Variants in MIPOL1 observed in about 807,000 individuals in gnomAD.
MIPOL1 encodes mirror-image polydactyly gene 1 protein.
In MIPOL1, 57 loss-of-function variants were observed where a neutral mutation model predicts 60.9. The ratio of observed to expected loss-of-function variants is 0.94; its 90% CI spans 0.76 to 1.17. The LOEUF is 1.17. MIPOL1 is among the 50% of genes most tolerant of loss of function. The pLI, the probability that MIPOL1 is intolerant of heterozygous loss-of-function variation, is 0.00. For missense variants in MIPOL1, 551 were observed against 511.6 expected, an observed-to-expected ratio of 1.08 and a Z score of -0.74; for synonymous variants, 179 against 168.8, an observed-to-expected ratio of 1.06 and a Z score of -0.47.
In MIPOL1 at chr14:37,423,357, C is replaced by CAAT. The variant is rs536622144; in HGVS notation, c.1031+414_1031+416dup. On this transcript the variant is annotated intron_variant, in intron 11 of 12. Coordinates refer to ENST00000684589, the MANE Select transcript of MIPOL1 (RefSeq NM_001388067.1). The stretch of plus-strand genomic sequence containing the variant: ...TATATTTTAAAACACACATGAGCAG[C>CAAT]AATAATAACCTTTCATGTATTTTAA... 4.7e-3 allele frequency among the ~76,000 whole-genome samples: 707 copies of CAAT among 150,536 alleles called. 4 individuals carry two copies. Among genetic ancestry groups the CAAT allele is most frequent in the African/African-American group, 0.015 (627 of 41,226 alleles).
At chr14:37,361,318 T>C (rs1337225741) in intron 9 of MIPOL1, among the ~76,000 whole-genome samples, 1 of 152,234 alleles carries the variant, frequency 6.6e-6, no homozygotes, top group Admixed American at 6.5e-5. Context: ...AAGAGTTCTG[T>C]AGATGTCTAT....
intron 11 of MIPOL1, among the ~76,000 whole-genome samples, chr14:37,453,132 A>AT (rs1266767030): frequency 3.3e-5 from 5 of 152,228 alleles, no homozygotes; most frequent in Admixed American, 6.5e-5. Context: ...TAAAAGTATG[A>AT]TTTTTTTAAC....
chr14:37,308,631 C>A, intron 9 of MIPOL1, 112 bp downstream of exon 9: 1 of 652,628 alleles, frequency 1.5e-6, no homozygotes, highest in South Asian at 4.7e-5. Context: ...TAATTTTTAG[C>A]ACATAATTAA....
intron 9 of MIPOL1, among the ~76,000 whole-genome samples, chr14:37,336,577 C>G: frequency 6.6e-6 from 1 of 151,670 alleles, no homozygotes. Context: ...TCTGTCTTCC[C>G]TGATGTCTAC....
chr14:37,391,515 C>G lies in MIPOL1; in HGVS notation c.936+21891C>G, dbSNP rs182218174. Among the ~76,000 whole-genome samples, 269 of 151,812 alleles carry G rather than the reference C, an allele frequency of 1.8e-3. 1 individual carries two copies. Among genetic ancestry groups the G allele is most frequent in the Non-Finnish European group, 2.9e-3 (200 of 67,978 alleles). On this transcript the variant is annotated intron_variant, in intron 10 of 12. Transcript: ENST00000684589. ...AGTTCAAGCCATTCTCCTGCCTCAG[C>G]CTCCCAAGTAGCTGGGACTACAGGT...
At chr14:37,317,014 G>A (rs1345117838) in intron 9 of MIPOL1, among the ~76,000 whole-genome samples, 2 of 151,984 alleles carry the variant, frequency 1.3e-5, no homozygotes, top group South Asian at 4.2e-4. Context: ...GATAATTGCA[G>A]TACCAAGTCC....
intron 6 of MIPOL1, among the ~76,000 whole-genome samples, chr14:37,284,611 G>A (rs776243872): frequency 3.7e-4 from 57 of 152,300 alleles, no homozygotes; most frequent in Non-Finnish European, 6.9e-4. Context: ...CCAAAGTGCT[G>A]GGATTACAGG....
intron 6 of MIPOL1, among the ~76,000 whole-genome samples, chr14:37,282,801 G>A (rs1180753653): frequency 2.0e-5 from 3 of 148,900 alleles, no homozygotes; most frequent in East Asian, 4.0e-4. Context: ...TCTTAATTGT[G>A]AGTAGTGGAA....
At chr14:37,375,953 G>C (rs1195596850) in intron 10 of MIPOL1, among the ~76,000 whole-genome samples, 2 of 151,952 alleles carry the variant, frequency 1.3e-5, no homozygotes, top group Non-Finnish European at 2.9e-5. Context: ...AATTGGTGGT[G>C]CTTATTTTTC....
chr14:37,419,741 T>A (rs1481480561), intron 10 of MIPOL1, among the ~76,000 whole-genome samples: 1 of 149,274 alleles, frequency 6.7e-6, no homozygotes, highest in Non-Finnish European at 1.5e-5. Context: ...GGTAGGGGAT[T>A]TTTTTTTTTC....
chr14:37,525,445 G>A (rs756736378), intron 12 of MIPOL1, among the ~76,000 whole-genome samples: 5 of 152,082 alleles, frequency 3.3e-5, no homozygotes, highest in African/African-American at 7.2e-5. Context: ...GTGTACCATA[G>A]AATATAATCA....
chr14:37,319,268 C>T (rs535030154), intron 9 of MIPOL1, among the ~76,000 whole-genome samples: 1 of 151,988 alleles, frequency 6.6e-6, no homozygotes, highest in Non-Finnish European at 1.5e-5. Flanking sequence ...AAGGAAAATT[C>T]CCAGGAATGA....
At position 37,490,624 on chromosome 14, in the gene MIPOL1, A is replaced by C. The variant is rs147198248; in HGVS notation, c.1032-9284A>C. Among the ~76,000 whole-genome samples the C allele has an allele frequency of 2.7e-3, 413 of 152,308 alleles. 2 individuals are homozygous for C. The highest frequency in any genetic ancestry group is 9.5e-3 in the African/African-American group (396 of 41,568). On this transcript the variant is annotated intron_variant, in intron 11 of 12. Transcript: ENST00000684589. ...TCTTGGTCTGTGGGTAGCGAAGACT[A>C]TGGGAAAACCTCAGTATCTGGGCCA...
intron 9 of MIPOL1, among the ~76,000 whole-genome samples, chr14:37,367,599 A>G (rs2092514652): frequency 6.6e-6 from 1 of 151,808 alleles, no homozygotes; most frequent in Admixed American, 6.6e-5. Flanking sequence ...TTCTTTCTCC[A>G]TGTCAGCTTA....
At chr14:37,432,701 A>G (rs970789886) in intron 11 of MIPOL1, among the ~76,000 whole-genome samples, 11 of 152,220 alleles carry the variant, frequency 7.2e-5, no homozygotes, top group Non-Finnish European at 1.5e-4. Context: ...AGAATTAAAA[A>G]AAAAACTTAG....
At chr14:37,232,284 T>G (rs1256020304) in intron 1 of MIPOL1, among the ~76,000 whole-genome samples, 1 of 152,108 alleles carries the variant, frequency 6.6e-6, no homozygotes, top group African/African-American at 2.4e-5. Flanking sequence ...GCTAATAAAT[T>G]TTATACATCA....
At chr14:37,341,461 AG>A (rs1329768460) in intron 9 of MIPOL1, among the ~76,000 whole-genome samples, 3 of 152,250 alleles carry the variant, frequency 2.0e-5, no homozygotes, top group Non-Finnish European at 4.4e-5. Flanking sequence ...AGACATTGTT[AG>A]GAATGAAGGA....
chr14:37,230,189 C>T (rs1363727595), intron 1 of MIPOL1, among the ~76,000 whole-genome samples: 6 of 152,066 alleles, frequency 3.9e-5, no homozygotes, highest in African/African-American at 1.4e-4. Context: ...TGTGACTTGT[C>T]AAGATACATA....
At chr14:37,430,512 TAAAAAAAAGTATACA>T (rs1566591107) in intron 11 of MIPOL1, among the ~76,000 whole-genome samples, 1 of 149,378 alleles carries the variant, frequency 6.7e-6, no homozygotes, top group Non-Finnish European at 1.5e-5. Flanking sequence ...TTTTTTTTTT[TAAAAAAAAGTATACA>T]TTTTCTGTAT....
Sources: allele counts gnomAD v4.1 joint callset (sites outside exome capture counted in the v4.1 genomes callset), GRCh38; gene constraint gnomAD v4.1.1; transcripts MANE v1.5; gene names NCBI Gene and HGNC (gene_info 2026-07-23, HGNC 2026-07-21).